Variants in KIAA1217 observed in about 807,000 individuals in gnomAD.
KIAA1217 encodes sickle tail protein homolog.
KIAA1217 carries 88 observed loss-of-function variants against 163.9 expected under a neutral mutation model. The observed-to-expected ratio is 0.54, with a 90% CI of 0.45 to 0.64. The LOEUF is 0.64. Ranked by LOEUF, KIAA1217 falls within the 30% of genes least tolerant of loss-of-function variation. The pLI is 0.00. For synonymous variants in KIAA1217, 903 were observed against 923.1 expected, an observed-to-expected ratio of 0.98 and a Z score of 0.39; for missense variants, 2,372 against 2,475.0, an observed-to-expected ratio of 0.96 and a Z score of 0.88.
chr10:24,100,956 G>T, intron 2 of KIAA1217, among the ~76,000 whole-genome samples: 1 of 152,200 alleles, frequency 6.6e-6, no homozygotes, highest in East Asian at 1.9e-4. Context: ...AGGAACCTGG[G>T]ATAAATGTTT....
In KIAA1217 at chr10:24,281,601, G is replaced by A. The variant is rs570012357; in HGVS notation, c.354+61692G>A. 1.2e-4 allele frequency among the ~76,000 whole-genome samples: 19 copies of A among 152,184 alleles called. No individual in the cohort carries two copies. In the South Asian group the frequency reaches 2.9e-3, roughly 23 times the overall value. On this transcript the variant is annotated intron_variant, in intron 2 of 20. Transcript: ENST00000376454. ...TTCTCAGACTCTCCTTGTTTTTAAT[G>A]ACCTTGACAATTTGGAGGAGTACTG...
intron 1 of KIAA1217, among the ~76,000 whole-genome samples, chr10:24,214,433 C>T (rs2068555834): frequency 6.6e-6 from 1 of 152,128 alleles, no homozygotes; most frequent in Admixed American, 6.5e-5. Flanking sequence ...CTGCTGGATC[C>T]TTTGTATTCA....
chr10:24,366,024 A>G (rs565574635), intron 2 of KIAA1217, among the ~76,000 whole-genome samples: 16 of 152,284 alleles, frequency 1.1e-4, no homozygotes, highest in Admixed American at 5.2e-4. Context: ...ATATGCAGCT[A>G]TGGCACCCCA....
chr10:24,543,469 T>C lies in KIAA1217; in HGVS notation c.4199T>C (p.Val1400Ala). 1.2e-6 allele frequency: 2 copies of C among 1,613,862 alleles called. No individual in the cohort carries two copies. Among genetic ancestry groups the C allele is most frequent in the Non-Finnish European group, 1.7e-6 (2 of 1,179,972 alleles). ...GTCCAGGTTCTTTCCAGTGGGGAGG[T>C]GCATGATATTGTTAGCCAAAAGGGA... ...TTVQVLSSGEVHDIVSQKGED... is the reference protein window; with the variant it reads ...TTVQVLSSGEAHDIVSQKGED... Residue 1400 changes from valine to alanine, a missense_variant, in exon 19 of 21, where the codon GTG becomes GCG. Around this residue, in one of 3 missense-constraint regions of KIAA1217, gnomAD observed 690 missense variants for 677.5 expected, o/e 1.02. Coordinates refer to ENST00000376454, the MANE Select transcript of KIAA1217 (RefSeq NM_019590.5).
At chr10:24,069,432 A>G (rs953769103) in intron 2 of KIAA1217, among the ~76,000 whole-genome samples, 1 of 151,942 alleles carries the variant, frequency 6.6e-6, no homozygotes, top group Non-Finnish European at 1.5e-5. Flanking sequence ...TGTCTGGCAT[A>G]AGGCAGGTCC....
At chr10:23,715,076 G>T (rs1171555215) in intron 1 of KIAA1217, among the ~76,000 whole-genome samples, 2 of 152,172 alleles carry the variant, frequency 1.3e-5, no homozygotes, top group African/African-American at 2.4e-5. Flanking sequence ...TTTACAAAAG[G>T]AACAGTAAAT....
At chr10:24,420,801 C>T (rs1041340887) in intron 3 of KIAA1217, among the ~76,000 whole-genome samples, 8 of 152,196 alleles carry the variant, frequency 5.3e-5, no homozygotes, top group Middle Eastern at 6.8e-3. Flanking sequence ...GTTTGTATGA[C>T]CTCTTCTGTC....
intron 1 of KIAA1217, among the ~76,000 whole-genome samples, chr10:23,890,722 G>T (rs1018635300): frequency 7.9e-5 from 12 of 151,924 alleles, no homozygotes; most frequent in African/African-American, 2.9e-4. Context: ...GTATTATGAG[G>T]TTATTGAATA....
rs547257996 is a variant in KIAA1217, at chr10:24,060,631, CA to C, written c.-171+53264del. 6.4e-3 allele frequency among the ~76,000 whole-genome samples: 978 copies of C among 152,142 alleles called. 10 individuals are homozygous for C. Among genetic ancestry groups the C allele is most frequent in the African/African-American group, 0.021 (856 of 41,506 alleles). ...GCAACATAGCAAGACTCTGTTTCTA[CA>C]AAAAAATTTTTTTATGAGATGTGCG... On this transcript the variant is annotated intron_variant, in intron 2 of 18. Transcript: ENST00000376462.
intron 2 of KIAA1217, among the ~76,000 whole-genome samples, chr10:24,131,921 A>G (rs2063666159): frequency 6.6e-6 from 1 of 152,244 alleles, no homozygotes. Flanking sequence ...CATAATCACC[A>G]TAAACAATCT....
At chr10:24,066,804 C>A in intron 2 of KIAA1217, among the ~76,000 whole-genome samples, 1 of 152,038 alleles carries the variant, frequency 6.6e-6, no homozygotes, top group Non-Finnish European at 1.5e-5. Context: ...TTTCGTCTTT[C>A]CACATAGTCC....
At chr10:23,972,753 C>T (rs1202437734) in intron 1 of KIAA1217, among the ~76,000 whole-genome samples, 1 of 151,972 alleles carries the variant, frequency 6.6e-6, no homozygotes, top group African/African-American at 2.4e-5. Context: ...GTGGCACATA[C>T]ATACCATGGA....
At chr10:23,917,037 C>A (rs1404375265) in intron 1 of KIAA1217, among the ~76,000 whole-genome samples, 1 of 149,956 alleles carries the variant, frequency 6.7e-6, no homozygotes, top group Non-Finnish European at 1.5e-5. Context: ...ATTTCCTTTC[C>A]TTTCCCTCCT....
intron 6 of KIAA1217, among the ~76,000 whole-genome samples, chr10:24,491,926 G>C (rs577420925): frequency 9.9e-5 from 15 of 151,512 alleles, no homozygotes; most frequent in Admixed American, 5.2e-4. Flanking sequence ...AAAATGCCAC[G>C]TTACCTTTTT....
chr10:24,148,788 T>C (rs189580798), intron 2 of KIAA1217, among the ~76,000 whole-genome samples: 1 of 152,248 alleles, frequency 6.6e-6, no homozygotes, highest in Non-Finnish European at 1.5e-5. Flanking sequence ...AGTATTCCTT[T>C]ATAGCAATGC....
At chr10:23,925,175 G>A (rs1409134604) in intron 1 of KIAA1217, among the ~76,000 whole-genome samples, 1 of 152,044 alleles carries the variant, frequency 6.6e-6, no homozygotes, top group Non-Finnish European at 1.5e-5. Flanking sequence ...AGGAGAAGGA[G>A]GAGGAAAAAC....
At chr10:24,063,972 G>A (rs2060836173) in intron 2 of KIAA1217, among the ~76,000 whole-genome samples, 1 of 152,154 alleles carries the variant, frequency 6.6e-6, no homozygotes, top group African/African-American at 2.4e-5. Flanking sequence ...GAATGCTTGT[G>A]ATTTTTGCAC....
At chr10:23,907,436 A>G (rs575152793) in intron 1 of KIAA1217, among the ~76,000 whole-genome samples, 6 of 152,094 alleles carry the variant, frequency 3.9e-5, no homozygotes, top group South Asian at 2.1e-4. Flanking sequence ...GAGAAGTCCT[A>G]TGATCTGCCA....
chr10:24,121,501 G>A (rs1336176610), intron 2 of KIAA1217, among the ~76,000 whole-genome samples: 1 of 152,160 alleles, frequency 6.6e-6, no homozygotes, highest in Non-Finnish European at 1.5e-5. Context: ...TTGTCACTGG[G>A]AGCAAATAAG....
Sources: allele counts gnomAD v4.1 joint callset (sites outside exome capture counted in the v4.1 genomes callset), GRCh38; gene constraint gnomAD v4.1.1; regional missense constraint gnomAD v4.1.1; transcripts MANE v1.5; gene names NCBI Gene and HGNC (gene_info 2026-07-23, HGNC 2026-07-21).